SV2A: variants seen among roughly 807,000 people sequenced by gnomAD.
SV2A encodes the protein synaptic vesicle glycoprotein 2A, also known as solute carrier family 22 member B1.
SV2A carries 25 observed loss-of-function variants against 78.0 expected under a neutral mutation model. That is an observed-to-expected ratio of 0.32 (90% CI 0.23 to 0.45). The LOEUF is 0.45. Among genes scored for constraint, SV2A ranks in the 20% least tolerant of loss-of-function variants. The pLI is 1.00. For missense variants in SV2A, 752 were observed against 971.5 expected (o/e 0.77, Z 3.00); for synonymous variants, 355 against 384.7 (o/e 0.92, Z 0.90).
At chr1:149,909,914 A>G in intron 5 of SV2A, 24 bp from the exon 6 acceptor site, 2 of 1,612,016 alleles carry the variant, frequency 1.2e-6, no homozygotes, top group East Asian at 2.2e-5. Flanking sequence ...CACAATCCCC[A>G]CATCCAAGTC....
At chr1:149,911,732 G>A in intron 3 of SV2A, 68 bp downstream of exon 3, 1 of 1,489,334 alleles carries the variant, frequency 6.7e-7, no homozygotes. Context: ...ACTGTGCTGG[G>A]CCCTAAAGAT....
In SV2A at chr1:149,910,533, G is replaced by A. The variant is rs376349560; in HGVS notation, c.1089+37C>T. The A allele has an allele frequency of 9.2e-5, 144 of 1,560,432 alleles. No homozygotes were observed. Among genetic ancestry groups the A allele is most frequent in the Middle Eastern group, 1.8e-4 (1 of 5,628 alleles). On this transcript the variant is annotated intron_variant, in intron 5 of 12. Transcript: ENST00000369146. The surrounding 1 kb of genome is among the most constrained non-coding windows in gnomAD (Gnocchi z 4.2). Reference sequence around the variant, plus strand: ...TGCTGCCGTCCACACTCCACAGCCCGCACCCCACCCCACCCCATGCAGCTC... The same window carrying A: ...TGCTGCCGTCCACACTCCACAGCCCACACCCCACCCCACCCCATGCAGCTC...
chr1:149,909,136 C>T, intron 8 of SV2A, 56 bp downstream of exon 8: 1 of 1,561,330 alleles, frequency 6.4e-7, no homozygotes, highest in Non-Finnish European at 8.8e-7. Context: ...CACCTCTCTC[C>T]CAGCCCACAC....
intron 2 of SV2A, among the ~76,000 whole-genome samples, chr1:149,912,968 C>T (rs2092484883): frequency 6.6e-6 from 1 of 152,112 alleles, no homozygotes; most frequent in Non-Finnish European, 1.5e-5. Context: ...CAGACCACCA[C>T]CCAACCACTG....
chr1:149,910,572 C>G lies in SV2A; in HGVS notation c.1087G>C (p.Glu363Gln). ...TQPESPRFFL[E>Q]NGKHDEAWMV... Reference sequence around the variant, plus strand: ...CCCATGCAGCTCAGCCCCATCACCTCTAGGAAGAAACGGGGGCTCTCAGGC... The same window carrying G: ...CCCATGCAGCTCAGCCCCATCACCTGTAGGAAGAAACGGGGGCTCTCAGGC... The change falls in exon 5 of 13, where the codon GAG becomes CAG. Residue 363 changes from glutamate to glutamine, a missense_variant and splice_region_variant. Glu to Gln is a conservative substitution (Grantham distance 29). This residue lies in a region of SV2A where 136 missense variants were observed against 132.3 expected (regional missense o/e 1.03). Coordinates refer to ENST00000369146, the MANE Select transcript of SV2A (RefSeq NM_014849.5). The surrounding 1 kb of genome is among the most constrained non-coding windows in gnomAD (Gnocchi z 4.2). 6.2e-7 allele frequency: 1 copy of G among 1,607,236 alleles called. No homozygotes were observed. Among genetic ancestry groups the G allele is most frequent in the East Asian group, 2.2e-5 (1 of 44,584 alleles).
rs1553762455 is a variant in SV2A at position 149,904,971 on chromosome 1, G to A, written c.*43C>T. 20 of 1,559,310 alleles carry A rather than the reference G, an allele frequency of 1.3e-5. No homozygotes were observed. Among genetic ancestry groups the A allele is most frequent in the Non-Finnish European group, 1.7e-5 (20 of 1,150,050 alleles). ...AGGGAGGGGAAGGAAGGAGTTGTTG[G>A]TCTCACAGTGTGCCTGCCAATCCCA... is the stretch of plus-strand genomic sequence containing the variant. On this transcript the variant is annotated 3_prime_UTR_variant, in exon 13 of 13. Transcript: ENST00000369146.
In SV2A at chr1:149,909,836, T is replaced by C; in HGVS notation, c.1144A>G (p.Met382Val). ...MVLKQVHDTN[M>V]RAKGHPERVF... ...CGCTCAGGATGTCCTTTGGCTCGCATGTTGGTATCATGGACCTGCTTCAGC... is the reference window on the plus strand; with the variant it reads ...CGCTCAGGATGTCCTTTGGCTCGCACGTTGGTATCATGGACCTGCTTCAGC... Residue 382 changes from methionine to valine, a missense_variant, in exon 6 of 13, where the codon ATG becomes GTG. Around this residue, in one of 7 missense-constraint regions of SV2A, gnomAD observed 136 missense variants for 132.3 expected, o/e 1.03. Coordinates refer to ENST00000369146, the MANE Select transcript of SV2A (RefSeq NM_014849.5). 6.2e-7 allele frequency: 1 copy of C among 1,614,022 alleles called. No homozygotes were observed. The highest frequency in any genetic ancestry group is 8.5e-7 in the Non-Finnish European group (1 of 1,180,010).
Position 149,907,630 on chromosome 1 carries a change from GA to G in SV2A, c.1678+69del, listed in dbSNP as rs1238223416. 7.1e-6 allele frequency: 11 copies of G among 1,555,734 alleles called. No homozygotes were observed. The South Asian group carries it at 8.7e-5, about 12-fold the overall frequency. On this transcript the variant is annotated intron_variant, in intron 10 of 12. Coordinates refer to ENST00000369146, the MANE Select transcript of SV2A (RefSeq NM_014849.5). The stretch of plus-strand genomic sequence containing the variant: ...GCTTGAGAACCCTAAGATAGTGAAT[GA>G]AAAAGGTTCCTTCTCATCAAGGTCC...
In SV2A at chr1:149,913,544, C is replaced by T; in HGVS notation, c.297G>A (p.Gln99=). The T allele has an allele frequency of 6.2e-7, 1 of 1,614,018 alleles. No homozygotes were observed. Among genetic ancestry groups the T allele is most frequent in the South Asian group, 1.1e-5 (1 of 91,064 alleles). The part of the protein sequence containing the change: ...EDDEIYEGEY[Q]GIPRAESGGK... ...CCCCAGACTCTGCCCGGGGAATGCC[C>T]TGATATTCCCCTTCATAGATCTCAT... The change falls in exon 2 of 13, where the codon CAG becomes CAA. Residue 99 remains glutamine (Q), a synonymous_variant. Transcript: ENST00000369146.
At chr1:149,906,174 A>G in intron 11 of SV2A, 135 bp from the exon 12 acceptor site, 1 of 1,012,182 alleles carries the variant, frequency 9.9e-7, no homozygotes, top group Non-Finnish European at 1.4e-6. Flanking sequence ...CAAGGTATCC[A>G]AAAGGAAGGC....
In SV2A at chr1:149,915,737, T is replaced by G. The variant is rs587761347; in HGVS notation, c.-347-1550A>C. On this transcript the variant is annotated intron_variant, in intron 1 of 12. Coordinates refer to ENST00000369146, the MANE Select transcript of SV2A (RefSeq NM_014849.5). ...GGATGTAGAATAAAGGGGGTTTGGG[T>G]GTCCCCCCAAAAAAGACATTCTCCA... 2.0e-5 allele frequency among the ~76,000 whole-genome samples: 3 copies of G among 152,136 alleles called. No homozygotes were observed. In the South Asian group the frequency reaches 6.2e-4, roughly 32 times the overall value.
intron 8 of SV2A, among the ~76,000 whole-genome samples, chr1:149,908,408 G>C (rs113064402): frequency 2.1e-3 from 314 of 152,244 alleles, no homozygotes; most frequent in African/African-American, 7.3e-3. Context: ...CGCTCCTGGG[G>C]GACTTCAGGG....
At chr1:149,912,828 C>T (rs1011638853) in intron 2 of SV2A, among the ~76,000 whole-genome samples, 8 of 134,468 alleles carry the variant, frequency 5.9e-5, no homozygotes, top group South Asian at 5.5e-4. Flanking sequence ...CCCATTTATA[C>T]CAAGGAGTTT....
rs587605402 is a variant in SV2A at position 149,915,340 on chromosome 1, A to C, written c.-347-1153T>G. ...ATCCTTGCAAACAGAGTCCCAAGAC[A>C]CCCCTATCTATGTTTCAACTAATTC... On this transcript the variant is annotated intron_variant, in intron 1 of 12. Transcript: ENST00000369146. 1.2e-3 allele frequency among the ~76,000 whole-genome samples: 186 copies of C among 152,252 alleles called. 2 individuals are homozygous for C. Among genetic ancestry groups the C allele is most frequent in the African/African-American group, 4.4e-3 (181 of 41,530 alleles).
rs1396663841 is a variant in SV2A, at chr1:149,911,070, C to A, written c.804-93G>T. On this transcript the variant is annotated intron_variant, in intron 3 of 12. Coordinates refer to ENST00000369146, the MANE Select transcript of SV2A (RefSeq NM_014849.5). The stretch of plus-strand genomic sequence containing the variant: ...TGGACCCCGAGCCCCTTTTGTCTTC[C>A]AGGCTTTTGAAGAGACTCCATCTCA... 4 of 1,490,726 alleles carry A rather than the reference C, an allele frequency of 2.7e-6. No individual in the cohort carries two copies. The Admixed American group carries it at 8.3e-5, about 31-fold the overall frequency. The allele number at this position is 1,490,726 out of a possible 1,614,324, so 92.3% of individuals were successfully genotyped here. A position where few individuals can be genotyped will look rare whatever the true frequency, so the allele number is the denominator to read the frequency against.
In SV2A at chr1:149,904,708, G is replaced by A; in HGVS notation, c.*306C>T. 1 of 295,842 alleles carries A rather than the reference G, an allele frequency of 3.4e-6. No individual in the cohort carries two copies. The highest frequency in any genetic ancestry group is 6.7e-5 in the East Asian group (1 of 15,000). The allele number at this position is 295,842 out of a possible 1,614,324, so 18.3% of individuals were successfully genotyped here. Reference sequence around the variant, plus strand: ...GCCTATTCTGGAACCCCTGGAACAGGGAAGCAAGGGCCCCTCTCTAACAGG... The same window carrying A: ...GCCTATTCTGGAACCCCTGGAACAGAGAAGCAAGGGCCCCTCTCTAACAGG... On this transcript the variant is annotated 3_prime_UTR_variant, in exon 13 of 13. Coordinates refer to ENST00000369146, the MANE Select transcript of SV2A (RefSeq NM_014849.5).
At position 149,904,853 on chromosome 1, in the gene SV2A, G is replaced by A; in HGVS notation, c.*161C>T. ...CTTCCCTGTAGTCCCTGCCCACGGG[G>A]TTTACACACATGCACACGCACACGC... On this transcript the variant is annotated 3_prime_UTR_variant, in exon 13 of 13. Transcript: ENST00000369146. 1.3e-6 allele frequency: 1 copy of A among 773,104 alleles called. No individual in the cohort carries two copies. Among genetic ancestry groups the A allele is most frequent in the Non-Finnish European group, 2.0e-6 (1 of 490,098 alleles). 47.9% of individuals were successfully genotyped at this position (773,104 alleles called of 1,614,324 possible).
intron 10 of SV2A, 125 bp downstream of exon 10, chr1:149,907,575 C>T (rs2092446698): frequency 8.1e-7 from 1 of 1,239,512 alleles, no homozygotes; most frequent in Non-Finnish European, 1.1e-6. Context: ...GGCCCCTCTG[C>T]CACCTTCCCA....
At position 149,908,029 on chromosome 1, in the gene SV2A, A is replaced by T; in HGVS notation, c.1544+13T>A. On this transcript the variant is annotated intron_variant, in intron 9 of 12. Coordinates refer to ENST00000369146, the MANE Select transcript of SV2A (RefSeq NM_014849.5). ...GAACAGGGAAGAAGTGAAGTTTAAA[A>T]GTCCCCACATACTTGTCATTGAAGT... 6.2e-7 allele frequency: 1 copy of T among 1,612,012 alleles called. No homozygotes were observed. Among genetic ancestry groups the T allele is most frequent in the Non-Finnish European group, 8.5e-7 (1 of 1,178,334 alleles).
Sources: allele counts gnomAD v4.1 joint callset (sites outside exome capture counted in the v4.1 genomes callset), GRCh38; gene constraint gnomAD v4.1.1; regional missense constraint gnomAD v4.1.1; non-coding constraint Gnocchi (gnomAD v3.1); transcripts MANE v1.5; gene names NCBI Gene and HGNC (gene_info 2026-07-23, HGNC 2026-07-21).